Variants in NCKAP1L observed in about 807,000 individuals in gnomAD.
NCKAP1L encodes NCK associated protein 1 like.
A neutral mutation model predicts 139.2 loss-of-function variants in NCKAP1L; 53 were observed. That is an observed-to-expected ratio of 0.38 (90% CI 0.31 to 0.48). The LOEUF (loss-of-function observed/expected upper bound fraction) is 0.48. Ranked by LOEUF, NCKAP1L falls within the 20% of genes least tolerant of loss-of-function variation. The pLI, the probability that NCKAP1L is intolerant of heterozygous loss-of-function variation, is 0.98. For synonymous variants in NCKAP1L, 468 were observed against 499.7 expected (o/e 0.94, Z 0.85); for missense variants, 1,151 against 1,381.9 (o/e 0.83, Z 2.65).
Position 54,548,160 on chromosome 12 carries a change from A to G in NCKAP1L, c.*5475A>G, listed in dbSNP as rs1354199457. 6.6e-6 allele frequency: 1 copy of G among 152,206 alleles called. No individual in the cohort carries two copies. The highest frequency in any genetic ancestry group is 1.5e-5 in the Non-Finnish European group (1 of 68,052). 9.4% of individuals were successfully genotyped at this position (152,206 alleles called of 1,614,324 possible). On this transcript the variant is annotated 3_prime_UTR_variant, in exon 31 of 31. Transcript: ENST00000293373. ...GGAGGAGCCTCCACTCAGTATTTAG[A>G]ACAGAGTAAATACCTTCTCCTGATC...
chr12:54,514,067 C>A (rs1956910550), intron 9 of NCKAP1L, among the ~76,000 whole-genome samples: 1 of 151,700 alleles, frequency 6.6e-6, no homozygotes, highest in East Asian at 1.9e-4. Flanking sequence ...GCAATGGAGC[C>A]ACACTCTATA....
chr12:54,519,088 A>C, intron 15 of NCKAP1L, 99 bp from the exon 16 acceptor site: 1 of 1,562,128 alleles, frequency 6.4e-7, no homozygotes, highest in Non-Finnish European at 8.8e-7. Context: ...GAAAACTGCT[A>C]ATTGGACAAG....
chr12:54,537,953 C>A (rs1957125833), intron 29 of NCKAP1L, among the ~76,000 whole-genome samples: 1 of 152,180 alleles, frequency 6.6e-6, no homozygotes. Flanking sequence ...AGAACAAATA[C>A]AATAGGCCCT....
At chr12:54,533,724 C>T (rs1052842832) in intron 26 of NCKAP1L, among the ~76,000 whole-genome samples, 2 of 152,152 alleles carry the variant, frequency 1.3e-5, no homozygotes, top group Non-Finnish European at 2.9e-5. Flanking sequence ...TTCATGCCAC[C>T]ACACCTGGCT....
At position 54,518,964 on chromosome 12, in the gene NCKAP1L, C is replaced by T. The variant is rs774903998; in HGVS notation, c.1471C>T (p.Arg491Cys). 3.1e-6 allele frequency: 5 copies of T among 1,612,968 alleles called. No individual in the cohort carries two copies. The highest frequency in any genetic ancestry group is 2.2e-5 in the East Asian group (1 of 44,894). ...CTCAGGATTGAGGCTGGACTGGTTC[C>T]GCCTACAGGTAATGATCTGTTCCTG... ...EFSGLRLDWF[R>C]LQAYTSVAKA... Residue 491 changes from arginine to cysteine, a missense_variant, in exon 15 of 31, where the codon CGC becomes TGC. Transcript: ENST00000293373.
At chr12:54,517,685 T>A (rs1471246542) in intron 12 of NCKAP1L, 43 bp downstream of exon 12, 1 of 1,583,548 alleles carries the variant, frequency 6.3e-7, no homozygotes, top group African/African-American at 1.3e-5. Flanking sequence ...TTAGATGGAC[T>A]GGGGACAGGG....
chr12:54,520,875 T>C (rs1310549345), intron 17 of NCKAP1L, 49 bp downstream of exon 17: 1 of 1,611,616 alleles, frequency 6.2e-7, no homozygotes, highest in Admixed American at 1.7e-5. Flanking sequence ...TCATCATCCT[T>C]ATCACCCAAA....
At chr12:54,531,197 C>A in intron 22 of NCKAP1L, 63 bp from the exon 23 acceptor site, 2 of 1,210,854 alleles carry the variant, frequency 1.7e-6, no homozygotes, top group South Asian at 2.5e-5. Flanking sequence ...TACCCTATAG[C>A]TGTTGTACAA....
In NCKAP1L at chr12:54,518,421, T is replaced by C. The variant is rs140248313; in HGVS notation, c.1339-230T>C. Among the ~76,000 whole-genome samples, 39 of 152,250 alleles carry C rather than the reference T, an allele frequency of 2.6e-4. No homozygotes were observed. In the South Asian group the frequency reaches 8.1e-3, roughly 32 times the overall value. ...ACTAATAATCTCAGCCGTCTTTTTT[T>C]CCCCACTAAGTGAAATTACATAGAA... On this transcript the variant is annotated intron_variant, in intron 13 of 30. Coordinates refer to ENST00000293373, the MANE Select transcript of NCKAP1L (RefSeq NM_005337.5).
In NCKAP1L at chr12:54,542,870, G is replaced by C. The variant is rs944858441; in HGVS notation, c.*185G>C. 1 of 529,436 alleles carries C rather than the reference G, an allele frequency of 1.9e-6. No homozygotes were observed. The allele number at this position is 529,436 out of a possible 1,614,324, so 32.8% of individuals were successfully genotyped here. On this transcript the variant is annotated 3_prime_UTR_variant, in exon 31 of 31. Transcript: ENST00000293373. ...CAGGGCTGAGAAATCGTAGAGCAGT[G>C]AGGCAGGCTGGGAGCATGGAGGACA...
chr12:54,525,620 C>T (rs1446662270), intron 20 of NCKAP1L, among the ~76,000 whole-genome samples: 3 of 152,158 alleles, frequency 2.0e-5, no homozygotes, highest in African/African-American at 7.2e-5. Flanking sequence ...TCAGTGTTAA[C>T]TCTAAATTAG....
chr12:54,510,636 G>A (rs149737437), intron 7 of NCKAP1L, among the ~76,000 whole-genome samples: 27 of 151,820 alleles, frequency 1.8e-4, no homozygotes, highest in African/African-American at 6.0e-4. Context: ...CAGCCTCCCA[G>A]GTAGCTGCGA....
chr12:54,520,675 T>C lies in NCKAP1L; in HGVS notation c.1626-19T>C, dbSNP rs1407922476. On this transcript the variant is annotated intron_variant, in intron 16 of 30. Transcript: ENST00000293373. ...ATAAGGACTAAATCTTGATTTAAAG[T>C]CTTCCCGTTTCTCTGCAGCTTTCAT... The C allele has an allele frequency of 6.2e-7, 1 of 1,614,110 alleles. No individual in the cohort carries two copies. Among genetic ancestry groups the C allele is most frequent in the Non-Finnish European group, 8.5e-7 (1 of 1,179,954 alleles).
In NCKAP1L at chr12:54,523,915, T is replaced by C; in HGVS notation, c.2115T>C (p.Pro705=). 1 of 1,614,172 alleles carries C rather than the reference T, an allele frequency of 6.2e-7. No homozygotes were observed. Among genetic ancestry groups the C allele is most frequent in the Non-Finnish European group, 8.5e-7 (1 of 1,180,010 alleles). Residue 705 remains proline, a synonymous_variant, in exon 20 of 31, where the codon CCT becomes CCC. Transcript: ENST00000293373. ...CCGTGTTTGAACATACTATCTTCCC[T>C]TCTGAGTACCTCAGCAGCCACCTGG... ...SFSVFEHTIF[P]SEYLSSHLEA...
intron 13 of NCKAP1L, 79 bp from the exon 14 acceptor site, chr12:54,518,572 G>A (rs771210381): frequency 1.1e-5 from 12 of 1,075,744 alleles, no homozygotes; most frequent in Admixed American, 3.4e-5. Flanking sequence ...ACCTTCATAC[G>A]CTGACTGAGC....
At chr12:54,518,495 C>T (rs527502054) in intron 13 of NCKAP1L, 156 bp from the exon 14 acceptor site, 21 of 709,614 alleles carry the variant, frequency 3.0e-5, no homozygotes, top group Middle Eastern at 2.3e-4. Context: ...GGCAGGGAAC[C>T]CGGAAAGTTT....
At chr12:54,536,897 T>G in intron 28 of NCKAP1L, 47 bp from the exon 29 acceptor site, 2 of 1,387,218 alleles carry the variant, frequency 1.4e-6, no homozygotes, top group Non-Finnish European at 2.0e-6. Flanking sequence ...GTGGCTTACT[T>G]TGTCATTTCC....
chr12:54,517,079 T>C, intron 11 of NCKAP1L, 87 bp downstream of exon 11: 1 of 1,123,168 alleles, frequency 8.9e-7, no homozygotes, highest in Non-Finnish European at 1.3e-6. Flanking sequence ...TTTGCCTTTC[T>C]GAGTCTTTTG....
intron 1 of NCKAP1L, among the ~76,000 whole-genome samples, 153 bp from the exon 2 acceptor site, chr12:54,499,202 G>T (rs1300903493): frequency 3.3e-5 from 5 of 152,198 alleles, no homozygotes; most frequent in Admixed American, 3.3e-4. Context: ...GGGATTACAG[G>T]TGTGAGCCGC....
Sources: allele counts gnomAD v4.1 joint callset (sites outside exome capture counted in the v4.1 genomes callset), GRCh38; gene constraint gnomAD v4.1.1; transcripts MANE v1.5; gene names NCBI Gene and HGNC (gene_info 2026-07-23, HGNC 2026-07-21).